FRMD3: variants seen among roughly 807,000 people sequenced by gnomAD.
The protein encoded by FRMD3 is FERM domain-containing protein 3.
FRMD3 carries 33 observed loss-of-function variants against 70.2 expected under a neutral mutation model. The observed-to-expected ratio is 0.47, with a 90% confidence interval of 0.36 to 0.63. The LOEUF (loss-of-function observed/expected upper bound fraction) is 0.63, where lower values mean the gene tolerates loss of function less well. Among genes scored for constraint, FRMD3 ranks in the 20% least tolerant of loss-of-function variants. FRMD3 has a pLI of 0.00. For synonymous variants in FRMD3, 279 were observed against 255.9 expected (o/e 1.09, Z -0.86); for missense variants, 632 against 711.4 (o/e 0.89, Z 1.27).
chr9:83,353,024 G>A (rs567487113), intron 3 of FRMD3, among the ~76,000 whole-genome samples: 3 of 152,192 alleles, frequency 2.0e-5, no homozygotes, highest in Non-Finnish European at 2.9e-5. Context: ...GAGAGCTGGC[G>A]GCAGGAAAAA....
At chr9:83,514,024 A>C (rs1001600943) in intron 1 of FRMD3, among the ~76,000 whole-genome samples, 1 of 152,180 alleles carries the variant, frequency 6.6e-6, no homozygotes, top group Non-Finnish European at 1.5e-5. Flanking sequence ...TTTCAAGCAC[A>C]TAGCTGGGCA....
chr9:83,272,261 G>A (rs1447287039), intron 13 of FRMD3, among the ~76,000 whole-genome samples: 8 of 151,770 alleles, frequency 5.3e-5, no homozygotes, highest in African/African-American at 1.4e-4. Flanking sequence ...GCGCCGCCAC[G>A]CCTGACTGGT....
intron 1 of FRMD3, among the ~76,000 whole-genome samples, chr9:83,405,109 C>T (rs1195498179): frequency 6.6e-6 from 1 of 152,156 alleles, no homozygotes; most frequent in Admixed American, 6.5e-5. Context: ...AGTTCCATTT[C>T]GGGGACCCCT....
intron 3 of FRMD3, among the ~76,000 whole-genome samples, chr9:83,369,802 A>G (rs897526097): frequency 2.0e-5 from 3 of 152,106 alleles, no homozygotes; most frequent in Admixed American, 6.5e-5. Flanking sequence ...GCTTATATAC[A>G]TTCATAAAAA....
At chr9:83,488,972 TTGTGTGTGTGTGTGTGTGTGTG>T (rs4014025) in intron 1 of FRMD3, among the ~76,000 whole-genome samples, 10 of 135,640 alleles carry the variant, frequency 7.4e-5, no homozygotes, top group East Asian at 2.0e-4. Flanking sequence ...CCCTATACCT[TTGTGTGTGTGTGTGTGTGTGTG>T]TGTGTGTGTG....
chr9:83,555,125 T>A, the FRMD3 span, among the ~76,000 whole-genome samples: 1 of 152,082 alleles, frequency 6.6e-6, no homozygotes. Context: ...AAAAAAACAA[T>A]CTGGCCACGT....
intron 13 of FRMD3, among the ~76,000 whole-genome samples, chr9:83,253,972 G>A (rs1350553711): frequency 1.3e-5 from 2 of 152,122 alleles, no homozygotes; most frequent in Non-Finnish European, 1.5e-5. Context: ...GTAGGGACAT[G>A]GATGAAGCCG....
intron 13 of FRMD3, among the ~76,000 whole-genome samples, chr9:83,254,088 G>T (rs1393757246): frequency 6.6e-6 from 1 of 151,368 alleles, no homozygotes; most frequent in Non-Finnish European, 1.5e-5. Context: ...ACACAGGAAG[G>T]GGAACATCAC....
chr9:83,492,459 A>G (rs1055476164), intron 1 of FRMD3, among the ~76,000 whole-genome samples: 1 of 152,198 alleles, frequency 6.6e-6, no homozygotes, highest in Non-Finnish European at 1.5e-5. Context: ...ACCACCACCC[A>G]GGATGGTCGC....
the FRMD3 span, among the ~76,000 whole-genome samples, chr9:83,556,357 T>G: frequency 2.6e-5 from 4 of 152,232 alleles, no homozygotes. Context: ...GCCAGCAAGC[T>G]CTTGACAATA....
At chr9:83,542,265 A>G (rs760120342), upstream of FRMD3, among the ~76,000 whole-genome samples, 27 of 152,364 alleles carry the variant, frequency 1.8e-4, no homozygotes, top group Non-Finnish European at 3.7e-4. Context: ...GTAAGCCACA[A>G]ATAGATAACA....
chr9:83,578,800 T>C, the FRMD3 span, among the ~76,000 whole-genome samples: 1 of 151,980 alleles, frequency 6.6e-6, no homozygotes, highest in Non-Finnish European at 1.5e-5. Flanking sequence ...TTCAACATAA[T>C]ACTGGAAGTC....
chr9:83,361,155 C>G (rs1012786418), intron 3 of FRMD3, among the ~76,000 whole-genome samples: 2 of 152,226 alleles, frequency 1.3e-5, no homozygotes, highest in Non-Finnish European at 2.9e-5. Flanking sequence ...GCATCCAAAA[C>G]TAAACCATAG....
chr9:83,259,412 T>C (rs939113617), intron 13 of FRMD3, among the ~76,000 whole-genome samples: 5 of 152,186 alleles, frequency 3.3e-5, no homozygotes, highest in Admixed American at 3.3e-4. Flanking sequence ...GCCTACCTCA[T>C]GGCACATGTC....
At chr9:83,467,489 G>A (rs1263255649) in intron 1 of FRMD3, 10 of 724,884 alleles carry the variant, frequency 1.4e-5, no homozygotes, top group East Asian at 1.3e-4. Context: ...AGACCCTCCC[G>A]AATTTCACAT....
intron 13 of FRMD3, chr9:83,275,885 G>A (rs978060158): frequency 3.9e-5 from 6 of 152,152 alleles, no homozygotes; most frequent in African/African-American, 1.4e-4. Flanking sequence ...CAACTATAAT[G>A]TGTTCTTCAG....
intron 1 of FRMD3, among the ~76,000 whole-genome samples, chr9:83,464,825 C>G (rs1169076339): frequency 6.6e-6 from 1 of 152,056 alleles, no homozygotes; most frequent in Non-Finnish European, 1.5e-5. Context: ...TCAAGACCAG[C>G]CTGGCGAACA....
the FRMD3 span, among the ~76,000 whole-genome samples, chr9:83,558,509 T>G: frequency 2.0e-5 from 3 of 152,228 alleles, no homozygotes; most frequent in East Asian, 5.8e-4. Flanking sequence ...TTCACTTTAT[T>G]GCTCTAATGG....
intron 13 of FRMD3, among the ~76,000 whole-genome samples, chr9:83,271,591 C>T (rs899311436): frequency 1.3e-5 from 2 of 152,204 alleles, no homozygotes; most frequent in African/African-American, 2.4e-5. Flanking sequence ...ACAACAGTAT[C>T]TGTTCTATCC....
Sources: allele counts gnomAD v4.1 joint callset (sites outside exome capture counted in the v4.1 genomes callset), GRCh38; gene constraint gnomAD v4.1.1; transcripts MANE v1.5; gene names NCBI Gene and HGNC (gene_info 2026-07-23, HGNC 2026-07-21).